The following ARB2A variants were observed in gnomAD, a reference collection of about 807,000 sequenced individuals.
ARB2A encodes cotranscriptional regulator ARB2A.
At chr5:93,949,836 T>C in the ARB2A span, among the ~76,000 whole-genome samples, 3 of 152,114 alleles carry the variant, frequency 2.0e-5, no homozygotes, top group African/African-American at 7.2e-5. Flanking sequence ...TTCCACTCTC[T>C]ATCTCCCTGA....
At chr5:94,102,400 T>C in the ARB2A span, among the ~76,000 whole-genome samples, 7 of 152,028 alleles carry the variant, frequency 4.6e-5, no homozygotes, top group East Asian at 1.9e-4. Flanking sequence ...GAGAAAAGAA[T>C]AGACAAAACT....
At chr5:93,978,912 C>T in the ARB2A span, among the ~76,000 whole-genome samples, 1 of 151,862 alleles carries the variant, frequency 6.6e-6, no homozygotes, top group Non-Finnish European at 1.5e-5. Context: ...TACAAACATA[C>T]AGTTAGGTGG....
chr5:93,866,879 T>C, the ARB2A span, among the ~76,000 whole-genome samples: 3 of 152,364 alleles, frequency 2.0e-5, no homozygotes, highest in East Asian at 3.9e-4. Context: ...TGGAAACCTA[T>C]TCTGGTAGAA....
the ARB2A span, among the ~76,000 whole-genome samples, chr5:93,880,254 C>T: frequency 1.3e-5 from 2 of 151,666 alleles, no homozygotes; most frequent in Non-Finnish European, 3.0e-5. Context: ...AATATATATG[C>T]TGTTTTCACC....
the ARB2A span, among the ~76,000 whole-genome samples, chr5:93,943,618 T>A: frequency 6.6e-6 from 1 of 152,292 alleles, no homozygotes; most frequent in East Asian, 1.9e-4. Flanking sequence ...TATAACCCTG[T>A]TAAAATCTTC....
At chr5:93,882,619 T>C in the ARB2A span, among the ~76,000 whole-genome samples, 1 of 151,450 alleles carries the variant, frequency 6.6e-6, no homozygotes, top group East Asian at 1.9e-4. Context: ...TGAGAAAATA[T>C]AGAGAGGGAT....
At chr5:93,718,704 C>G in the ARB2A span, among the ~76,000 whole-genome samples, 1 of 152,146 alleles carries the variant, frequency 6.6e-6, no homozygotes, top group Admixed American at 6.5e-5. Context: ...ACAACAACAA[C>G]AACGTCTGTC....
chr5:93,732,607 C>T, the ARB2A span, among the ~76,000 whole-genome samples: 5 of 151,294 alleles, frequency 3.3e-5, no homozygotes, highest in Admixed American at 1.3e-4. Context: ...AAACCCAAAC[C>T]TTAATTTTTA....
At chr5:93,673,837 C>T in the ARB2A span, among the ~76,000 whole-genome samples, 1 of 151,790 alleles carries the variant, frequency 6.6e-6, no homozygotes, top group African/African-American at 2.4e-5. Context: ...CTCTTTTTGC[C>T]AGAACATATT....
chr5:94,085,185 C>T, the ARB2A span, among the ~76,000 whole-genome samples: 1 of 152,184 alleles, frequency 6.6e-6, no homozygotes. Flanking sequence ...AGGGGACAGA[C>T]ATAAAAATGT....
chr5:93,710,633 T>G, the ARB2A span, among the ~76,000 whole-genome samples: 799 of 152,280 alleles, frequency 5.2e-3, 9 homozygotes, highest in African/African-American at 0.019. Flanking sequence ...GAAAATCTAT[T>G]TAAAGAGATG....
chr5:93,824,799 C>T, the ARB2A span, among the ~76,000 whole-genome samples: 3 of 152,204 alleles, frequency 2.0e-5, no homozygotes, highest in Non-Finnish European at 4.4e-5. Context: ...TGGTTGAGAA[C>T]TCTCTGATGA....
chr5:93,960,440 C>T, the ARB2A span, among the ~76,000 whole-genome samples: 5 of 152,174 alleles, frequency 3.3e-5, no homozygotes, highest in Non-Finnish European at 7.3e-5. Context: ...CTTTACTCTA[C>T]ATTTTTGCAA....
At chr5:94,025,248 T>G in the ARB2A span, among the ~76,000 whole-genome samples, 16,142 of 152,236 alleles carry the variant, frequency 0.11, 976 homozygotes, top group Middle Eastern at 0.16. Context: ...CAGTTCTGGA[T>G]GCTCAGAAGT....
the ARB2A span, among the ~76,000 whole-genome samples, chr5:93,642,103 CT>C: frequency 6.6e-6 from 1 of 151,974 alleles, no homozygotes; most frequent in Non-Finnish European, 1.5e-5. Context: ...ATCTCAGCCT[CT>C]GGAGCAGCTG....
the ARB2A span, among the ~76,000 whole-genome samples, chr5:94,043,957 TGAGA>T: frequency 6.6e-6 from 1 of 152,260 alleles, no homozygotes; most frequent in Non-Finnish European, 1.5e-5. Flanking sequence ...ATGGAAAACT[TGAGA>T]GAGAAATTAT....
chr5:93,933,547 C>A, the ARB2A span, among the ~76,000 whole-genome samples: 1 of 152,058 alleles, frequency 6.6e-6, no homozygotes, highest in Non-Finnish European at 1.5e-5. Context: ...CAAACTAACA[C>A]AGGAACAGAA....
At chr5:93,771,341 C>T in the ARB2A span, among the ~76,000 whole-genome samples, 4 of 151,690 alleles carry the variant, frequency 2.6e-5, no homozygotes, top group Admixed American at 2.0e-4. Flanking sequence ...AGACCTAAAA[C>T]CATAAAAACC....
the ARB2A span, among the ~76,000 whole-genome samples, chr5:93,894,293 T>C: frequency 6.6e-6 from 1 of 152,158 alleles, no homozygotes; most frequent in Admixed American, 6.6e-5. Context: ...GATGTGAGTG[T>C]ATTTACATAA....
Sources: allele counts gnomAD v4.1 joint callset (sites outside exome capture counted in the v4.1 genomes callset), GRCh38; gene constraint gnomAD v4.1.1; transcripts MANE v1.5; gene names NCBI Gene and HGNC (gene_info 2026-07-23, HGNC 2026-07-21).